The following CTNND2 variants were observed in gnomAD, a reference collection of about 807,000 sequenced individuals.
CTNND2 encodes the protein catenin delta 2.
A neutral mutation model predicts 144.4 loss-of-function variants in CTNND2; 22 were observed. The observed-to-expected ratio is 0.15, with a 90% CI of 0.11 to 0.22. The LOEUF (loss-of-function observed/expected upper bound fraction) is 0.22, where lower values mean the gene tolerates loss of function less well. CTNND2 is among the 10% of genes least tolerant of loss of function. The pLI, the probability that CTNND2 is intolerant of heterozygous loss-of-function variation, is 1.00. For synonymous variants in CTNND2, 751 were observed against 695.6 expected (o/e 1.08, Z -1.25); for missense variants, 1,353 against 1,618.8 (o/e 0.84, Z 2.82).
intron 12 of CTNND2, among the ~76,000 whole-genome samples, chr5:11,128,236 G>A (rs970392375): frequency 1.3e-5 from 2 of 151,944 alleles, no homozygotes; most frequent in Admixed American, 1.3e-4. Flanking sequence ...GTAGCCACAG[G>A]CAAAGGGGAG....
At chr5:11,374,645 G>T (rs1259887401) in intron 7 of CTNND2, among the ~76,000 whole-genome samples, 1 of 152,156 alleles carries the variant, frequency 6.6e-6, no homozygotes, top group Non-Finnish European at 1.5e-5. Flanking sequence ...TTTCTCAACA[G>T]CTGTGTCTCA....
intron 9 of CTNND2, among the ~76,000 whole-genome samples, chr5:11,278,761 G>C (rs1746816730): frequency 6.6e-6 from 1 of 152,186 alleles, no homozygotes; most frequent in African/African-American, 2.4e-5. Context: ...GAGAACAGAT[G>C]TGAGCACTGT....
chr5:11,806,802 T>C (rs1437425805), intron 1 of CTNND2, among the ~76,000 whole-genome samples: 1 of 152,022 alleles, frequency 6.6e-6, no homozygotes, highest in Non-Finnish European at 1.5e-5. Flanking sequence ...TATGATTATT[T>C]TGATGATCAT....
At chr5:11,124,968 G>T (rs1249907076) in intron 12 of CTNND2, among the ~76,000 whole-genome samples, 1 of 152,186 alleles carries the variant, frequency 6.6e-6, no homozygotes, top group Non-Finnish European at 1.5e-5. Flanking sequence ...CTAGAGTCTG[G>T]GTTTCAGGAA....
chr5:11,371,511 A>C (rs1757479070), intron 7 of CTNND2, among the ~76,000 whole-genome samples: 1 of 152,218 alleles, frequency 6.6e-6, no homozygotes, highest in Non-Finnish European at 1.5e-5. Context: ...AACTGGGCAC[A>C]TTCACATCCT....
chr5:11,841,002 G>GCAT (rs1794440216), intron 1 of CTNND2, among the ~76,000 whole-genome samples: 1 of 152,024 alleles, frequency 6.6e-6, no homozygotes, highest in Non-Finnish European at 1.5e-5. Flanking sequence ...CTGAATGCCA[G>GCAT]GAATACATTT....
chr5:11,149,677 G>A (rs549494502), intron 12 of CTNND2, among the ~76,000 whole-genome samples: 15 of 152,178 alleles, frequency 9.9e-5, no homozygotes, highest in Admixed American at 3.3e-4. Context: ...AAGTCCTGGC[G>A]GTCTGTCCTT....
chr5:11,382,133 G>A (rs1013237193), intron 7 of CTNND2, among the ~76,000 whole-genome samples: 2 of 152,016 alleles, frequency 1.3e-5, no homozygotes, highest in Non-Finnish European at 2.9e-5. Context: ...AATAAAAGTT[G>A]GAAATTATAT....
At position 11,858,936 on chromosome 5, in the gene CTNND2, GAGTA is replaced by G. The variant is rs141149738; in HGVS notation, c.37+44877_37+44880del. Among the ~76,000 whole-genome samples, 244 of 152,298 alleles carry G rather than the reference GAGTA, an allele frequency of 1.6e-3. 5 individuals carry two copies. The East Asian group carries it at 0.039, about 24-fold the overall frequency. On this transcript the variant is annotated intron_variant, in intron 1 of 21. Transcript: ENST00000304623. ...AGAGTGAGACTACGTCTCAAAAAAA[GAGTA>G]AGTAAGAATAAAACAACAATAAAAC... is the stretch of plus-strand genomic sequence containing the variant.
chr5:11,855,944 T>C (rs1795232091), intron 1 of CTNND2, among the ~76,000 whole-genome samples: 1 of 152,258 alleles, frequency 6.6e-6, no homozygotes, highest in African/African-American at 2.4e-5. Flanking sequence ...TTCACTGCTT[T>C]ATCTAAGCTA....
intron 2 of CTNND2, among the ~76,000 whole-genome samples, chr5:11,721,864 C>G (rs1786709545): frequency 6.6e-6 from 1 of 152,180 alleles, no homozygotes; most frequent in South Asian, 2.1e-4. Context: ...TAGTCCTAAG[C>G]CTAACTGGAA....
At chr5:11,123,662 G>T (rs1289144548) in intron 12 of CTNND2, among the ~76,000 whole-genome samples, 1 of 152,236 alleles carries the variant, frequency 6.6e-6, no homozygotes, top group Non-Finnish European at 1.5e-5. Context: ...TTTGGAGCTT[G>T]ATTAAAATAC....
chr5:11,557,926 C>T (rs1037935145), intron 3 of CTNND2, among the ~76,000 whole-genome samples: 3 of 152,206 alleles, frequency 2.0e-5, no homozygotes, highest in Non-Finnish European at 2.9e-5. Flanking sequence ...ATTAGCCTAG[C>T]GGAAAATTCC....
intron 14 of CTNND2, among the ~76,000 whole-genome samples, chr5:11,108,369 C>A (rs1173666377): frequency 6.6e-6 from 1 of 152,196 alleles, no homozygotes; most frequent in African/African-American, 2.4e-5. Flanking sequence ...CCCATTCCTA[C>A]TGCTTTTATG....
At chr5:11,654,431 T>C (rs907555381) in intron 2 of CTNND2, among the ~76,000 whole-genome samples, 1 of 152,028 alleles carries the variant, frequency 6.6e-6, no homozygotes, top group Non-Finnish European at 1.5e-5. Context: ...CTTCTCAGAG[T>C]ATAGATCTTT....
At chr5:11,509,330 C>T (rs1206877615) in intron 3 of CTNND2, among the ~76,000 whole-genome samples, 1 of 151,918 alleles carries the variant, frequency 6.6e-6, no homozygotes, top group African/African-American at 2.4e-5. Flanking sequence ...ATAGAAGAAG[C>T]TGGAAATTAT....
intron 12 of CTNND2, among the ~76,000 whole-genome samples, 157 bp downstream of exon 12, chr5:11,159,419 A>G (rs1469477365): frequency 6.6e-6 from 1 of 152,228 alleles, no homozygotes; most frequent in Non-Finnish European, 1.5e-5. Context: ...CCTGGTTAGA[A>G]AATTTAAAAT....
chr5:11,603,133 G>C (rs1195563391), intron 2 of CTNND2, among the ~76,000 whole-genome samples: 1 of 152,034 alleles, frequency 6.6e-6, no homozygotes, highest in African/African-American at 2.4e-5. Flanking sequence ...ACAACAAACT[G>C]TTGACCCTTT....
chr5:11,617,821 A>C (rs1284527471), intron 2 of CTNND2, among the ~76,000 whole-genome samples: 1 of 152,236 alleles, frequency 6.6e-6, no homozygotes, highest in Non-Finnish European at 1.5e-5. Context: ...CAGAAAGGGA[A>C]GGGAATACAG....
Sources: gnomAD v4.1 joint callset for allele counts (sites outside exome capture counted in the v4.1 genomes callset) on GRCh38, gnomAD v4.1.1 for gene constraint, MANE v1.5 for transcripts, NCBI Gene and HGNC (gene_info 2026-07-23, HGNC 2026-07-21) for gene names.